Variants in EIF2B3 observed in about 807,000 individuals in gnomAD.
EIF2B3 encodes eukaryotic translation initiation factor 2B subunit gamma.
A neutral mutation model predicts 54.1 loss-of-function variants in EIF2B3; 20 were observed. That is an observed-to-expected ratio of 0.37 (90% confidence interval 0.26 to 0.54). EIF2B3 has a LOEUF of 0.54. Ranked by LOEUF, EIF2B3 falls within the 20% of genes least tolerant of loss-of-function variation. The pLI, the probability that EIF2B3 is intolerant of heterozygous loss-of-function variation, is 0.86. For missense variants in EIF2B3, 448 were observed against 547.8 expected (o/e 0.82, Z 1.82); for synonymous variants, 153 against 188.1 (o/e 0.81, Z 1.52).
chr1:44,936,498 G>A (rs1239129455), intron 4 of EIF2B3, among the ~76,000 whole-genome samples: 1 of 152,090 alleles, frequency 6.6e-6, no homozygotes, highest in Non-Finnish European at 1.5e-5. Context: ...GGCTGAGGCA[G>A]GAGAATTGCT....
At chr1:44,908,849 A>T (rs1162443081) in intron 5 of EIF2B3, among the ~76,000 whole-genome samples, 2 of 152,166 alleles carry the variant, frequency 1.3e-5, no homozygotes, top group East Asian at 3.9e-4. Context: ...GAGGAAAGGA[A>T]TCGAAGGTGG....
At chr1:44,896,380 G>T (rs1655971934) in intron 6 of EIF2B3, among the ~76,000 whole-genome samples, 1 of 151,914 alleles carries the variant, frequency 6.6e-6, no homozygotes. Flanking sequence ...TTGTGGGGGG[G>T]TGACAGGTAG....
chr1:44,959,651 G>A (rs1012866034), intron 3 of EIF2B3, among the ~76,000 whole-genome samples: 15 of 152,188 alleles, frequency 9.9e-5, no homozygotes, highest in Admixed American at 9.8e-4. Flanking sequence ...CAGCCTCCCT[G>A]TGCTTTTAAG....
chr1:44,953,005 C>T (rs1644184324), intron 3 of EIF2B3, among the ~76,000 whole-genome samples: 2 of 152,086 alleles, frequency 1.3e-5, no homozygotes, highest in South Asian at 4.1e-4. Context: ...TTGTAGGTAG[C>T]AAAAATATAG....
intron 4 of EIF2B3, among the ~76,000 whole-genome samples, chr1:44,927,350 G>A (rs1437632853): frequency 6.6e-6 from 1 of 152,130 alleles, no homozygotes; most frequent in Non-Finnish European, 1.5e-5. Flanking sequence ...AAGGTAAAGC[G>A]AGAGCAGGCT....
In EIF2B3 at chr1:44,865,216, T is replaced by TTAAAAAAAAA. The variant is rs1452928949; in HGVS notation, c.1203-7410_1203-7409insTTTTTTTTTA. ...TGGGCAACAGAGCGAGACTCCATCT[T>TTAAAAAAAAA]AAAAAAAAAAAAAGAAATGTGTGAA... On this transcript the variant is annotated intron_variant, in intron 10 of 11. Transcript: ENST00000360403. Among the ~76,000 whole-genome samples the TTAAAAAAAAA allele has an allele frequency of 1.9e-3, 271 of 140,114 alleles. 1 individual carries two copies. The highest frequency in any genetic ancestry group is 3.6e-3 in the Non-Finnish European group (231 of 64,456). The allele number at this position is 140,114 out of a possible 152,430, so 91.9% of individuals were successfully genotyped here.
chr1:44,872,642 CCT>C (rs1471021900), intron 10 of EIF2B3, among the ~76,000 whole-genome samples: 3 of 151,880 alleles, frequency 2.0e-5, no homozygotes, highest in Non-Finnish European at 4.4e-5. Context: ...AGAGGGAAAC[CCT>C]GTCTTGAAAA....
At chr1:44,948,236 T>C (rs904763803) in intron 3 of EIF2B3, among the ~76,000 whole-genome samples, 3 of 152,226 alleles carry the variant, frequency 2.0e-5, no homozygotes, top group African/African-American at 2.4e-5. Context: ...TAAATATCCT[T>C]ACTATATTCC....
chr1:44,936,152 C>A (rs1557693569), intron 4 of EIF2B3, among the ~76,000 whole-genome samples: 1 of 152,082 alleles, frequency 6.6e-6, no homozygotes, highest in South Asian at 2.1e-4. Flanking sequence ...TTTCCCCGCA[C>A]AGCCTTAGCT....
At chr1:44,962,204 A>ACATCATCATCATCATCATCAACATCAT (rs1644292478) in intron 3 of EIF2B3, among the ~76,000 whole-genome samples, 1 of 146,334 alleles carries the variant, frequency 6.8e-6, no homozygotes, top group Non-Finnish European at 1.5e-5. Context: ...ATCATCATCA[A>ACATCATCATCATCATCATCAACATCAT]CATCATCATC....
chr1:44,978,220 G>C, intron 3 of EIF2B3, 95 bp downstream of exon 3: 1 of 1,408,482 alleles, frequency 7.1e-7, no homozygotes, highest in Admixed American at 1.7e-5. Flanking sequence ...GACAGAGCGA[G>C]GTTCTGTCTC....
At chr1:44,977,335 T>C (rs1247384756) in intron 3 of EIF2B3, among the ~76,000 whole-genome samples, 1 of 152,192 alleles carries the variant, frequency 6.6e-6, no homozygotes, top group Non-Finnish European at 1.5e-5. Flanking sequence ...TATGAATTTT[T>C]GAACGTTCCT....
At chr1:44,867,867 TA>T (rs768045271) in intron 10 of EIF2B3, among the ~76,000 whole-genome samples, 1,357 of 99,492 alleles carry the variant, frequency 0.014, 10 homozygotes, top group African/African-American at 0.033. Flanking sequence ...ATTCTGTCTC[TA>T]AAAAAAAAAA....
chr1:44,955,728 G>A (rs779986262), intron 3 of EIF2B3, among the ~76,000 whole-genome samples: 24 of 151,788 alleles, frequency 1.6e-4, no homozygotes, highest in East Asian at 7.7e-4. Context: ...CTCAAAAGAA[G>A]ACATTTATGT....
intron 6 of EIF2B3, among the ~76,000 whole-genome samples, chr1:44,883,862 G>A (rs1158004202): frequency 2.0e-5 from 3 of 152,098 alleles, no homozygotes; most frequent in Admixed American, 6.5e-5. Context: ...CTTGTTAGAC[G>A]GGGTCTTGCT....
intron 3 of EIF2B3, among the ~76,000 whole-genome samples, chr1:44,974,940 T>C (rs908580803): frequency 1.3e-5 from 2 of 151,970 alleles, no homozygotes; most frequent in Non-Finnish European, 1.5e-5. Flanking sequence ...TTGGGCTGGG[T>C]GTGGTGGCTC....
Position 44,915,759 on chromosome 1 carries a change from T to A in EIF2B3, c.566+10869A>T, listed in dbSNP as rs555324250. ...TGTTATAAAAAACAAAATGCTATTT[T>A]AAAAATTTTATTTTTAATATAAAAA... On this transcript the variant is annotated intron_variant, in intron 5 of 11. Transcript: ENST00000360403. 2.0e-5 allele frequency among the ~76,000 whole-genome samples: 3 copies of A among 152,284 alleles called. No homozygotes were observed. In the East Asian group the frequency reaches 5.8e-4, roughly 29 times the overall value.
chr1:44,857,765 G>A lies in EIF2B3; in HGVS notation c.1245C>T (p.Ile415=), dbSNP rs547795033. The part of the protein sequence containing the change: ...QGSVICNNAV[I]EKGADIKDCL... The stretch of plus-strand genomic sequence containing the variant: ...AGTCCTTGATGTCTGCACCCTTCTC[G>A]ATCACAGCATTGTTGCAGATGACAC... The change falls in exon 11 of 12, where the codon ATC becomes ATT. Residue 415 remains isoleucine (I), a synonymous_variant. Coordinates refer to ENST00000360403, the MANE Select transcript of EIF2B3 (RefSeq NM_020365.5). The A allele has an allele frequency of 5.6e-6, 9 of 1,614,090 alleles. No individual in the cohort carries two copies. The highest frequency in any genetic ancestry group is 4.5e-5 in the East Asian group (2 of 44,882).
chr1:44,900,445 CA>C (rs34226720), intron 5 of EIF2B3, among the ~76,000 whole-genome samples: 1,167 of 43,566 alleles, frequency 0.027, 5 homozygotes, highest in African/African-American at 0.074. Flanking sequence ...AGAATCATCT[CA>C]AAAAAAAAAA....
Sources: gnomAD v4.1 joint callset for allele counts (sites outside exome capture counted in the v4.1 genomes callset) on GRCh38, gnomAD v4.1.1 for gene constraint, MANE v1.5 for transcripts, NCBI Gene and HGNC (gene_info 2026-07-23, HGNC 2026-07-21) for gene names.